Variants in ITIH5 observed in about 807,000 individuals in gnomAD.
The protein encoded by ITIH5 is inter-alpha-trypsin inhibitor heavy chain H5.
In ITIH5, 65 loss-of-function variants were observed where a neutral mutation model predicts 77.5. The observed-to-expected ratio is 0.84, with a 90% CI of 0.69 to 1.03. The LOEUF is 1.03. Among genes scored for constraint, ITIH5 ranks in the 50% least tolerant of loss-of-function variants. The probability of loss-of-function intolerance (pLI) is 0.00; values close to 1 mark genes in which losing one functional copy is unlikely to be tolerated. For missense variants in ITIH5, 1,208 were observed against 1,213.1 expected (o/e 1.00, Z 0.06); for synonymous variants, 525 against 494.3 (o/e 1.06, Z -0.82).
chr10:7,628,398 C>T (rs1447700360), intron 5 of ITIH5, among the ~76,000 whole-genome samples: 1 of 152,214 alleles, frequency 6.6e-6, no homozygotes, highest in African/African-American at 2.4e-5. Flanking sequence ...AGTCTGGCTT[C>T]TTTCACTTAG....
intron 5 of ITIH5, among the ~76,000 whole-genome samples, chr10:7,626,913 A>T (rs57186574): frequency 0.12 from 18,087 of 152,176 alleles, 1,119 homozygotes; most frequent in East Asian, 0.25. Flanking sequence ...TAGACCCAAG[A>T]TCTGGCAAAA....
Position 7,616,195 on chromosome 10 carries a change from A to G in ITIH5, c.823-97T>C. 3 of 738,376 alleles carry G rather than the reference A, an allele frequency of 4.1e-6. 1 individual carries two copies. The South Asian group carries it at 4.8e-5, about 12-fold the overall frequency. The allele number at this position is 738,376 out of a possible 1,614,324, so 45.7% of individuals were successfully genotyped here. ...CTATGGAATTTCTAAAAGTTAAAGC[A>G]TGACAAAGAGTTTAGGGTGAGATTC... On this transcript the variant is annotated intron_variant, in intron 6 of 13. Transcript: ENST00000397146.
intron 7 of ITIH5, among the ~76,000 whole-genome samples, chr10:7,611,775 C>A (rs965485099): frequency 6.6e-6 from 1 of 151,964 alleles, no homozygotes; most frequent in Non-Finnish European, 1.5e-5. Flanking sequence ...TTGTTTACAA[C>A]AAAAATTTAA....
chr10:7,663,857 T>C (rs987896061), intron 1 of ITIH5, among the ~76,000 whole-genome samples: 4 of 152,212 alleles, frequency 2.6e-5, no homozygotes, highest in Non-Finnish European at 4.4e-5. Flanking sequence ...TTGCCTCTTA[T>C]TATTTTCACA....
intron 9 of ITIH5, among the ~76,000 whole-genome samples, chr10:7,579,140 G>A (rs920528762): frequency 1.3e-5 from 2 of 152,232 alleles, no homozygotes; most frequent in African/African-American, 4.8e-5. Context: ...GCTATACATA[G>A]TGTTTTTATA....
chr10:7,569,671 A>G lies in ITIH5; in HGVS notation c.2146T>C (p.Ser716Pro). 1 of 1,598,658 alleles carries G rather than the reference A, an allele frequency of 6.3e-7. No individual in the cohort carries two copies. Among genetic ancestry groups the G allele is most frequent in the East Asian group, 2.2e-5 (1 of 44,448 alleles). ...ILRLVSDHRD[S>P]GVTVNGELIG... ...TGCAGCGGAAGGTAGAACTTACCAGAGTCCCTGTGATCAGAGACCAGCCTG... is the reference window on the plus strand; with the variant it reads ...TGCAGCGGAAGGTAGAACTTACCAGGGTCCCTGTGATCAGAGACCAGCCTG... Residue 716 changes from serine (S) to proline (P), a missense_variant, in exon 12 of 14, where the codon TCT becomes CCT. Coordinates refer to ENST00000397146, the MANE Select transcript of ITIH5 (RefSeq NM_030569.7).
At chr10:7,569,572 G>A (rs906007738) in intron 12 of ITIH5, 96 bp downstream of exon 12, 4 of 712,428 alleles carry the variant, frequency 5.6e-6, no homozygotes, top group Non-Finnish European at 9.3e-6. Flanking sequence ...TCTGTAAGGT[G>A]GCCCTTGGAT....
At chr10:7,619,577 TCA>T (rs1159285309) in intron 5 of ITIH5, 1 of 386,374 alleles carries the variant, frequency 2.6e-6, no homozygotes, top group Non-Finnish European at 5.3e-6. Flanking sequence ...TTTAATTGAC[TCA>T]CAGTTCCGCA....
At chr10:7,640,448 G>A (rs1042719270) in intron 4 of ITIH5, among the ~76,000 whole-genome samples, 1 of 148,172 alleles carries the variant, frequency 6.7e-6, no homozygotes, top group Non-Finnish European at 1.5e-5. Context: ...CTGCACTCCA[G>A]CCTGGGCAAA....
intron 7 of ITIH5, among the ~76,000 whole-genome samples, chr10:7,601,806 A>C (rs1833021332): frequency 1.3e-5 from 2 of 152,148 alleles, no homozygotes; most frequent in African/African-American, 4.8e-5. Flanking sequence ...GATCACATGC[A>C]TATCACCCAC....
At chr10:7,591,518 G>A (rs1401524508) in intron 7 of ITIH5, among the ~76,000 whole-genome samples, 3 of 152,082 alleles carry the variant, frequency 2.0e-5, no homozygotes, top group African/African-American at 2.4e-5. Context: ...TGGCTGACAC[G>A]TACCCCAGCT....
At chr10:7,577,280 G>T (rs10905188) in intron 9 of ITIH5, among the ~76,000 whole-genome samples, 1 of 152,018 alleles carries the variant, frequency 6.6e-6, no homozygotes, top group Admixed American at 6.6e-5. Context: ...GCTTATAGTA[G>T]ATTAAAATCT....
At position 7,606,419 on chromosome 10, in the gene ITIH5, G is replaced by A. The variant is rs189841122; in HGVS notation, c.939+9563C>T. Reference sequence around the variant, plus strand: ...CAAATATACCATGGAATACTATGCAGCTATAAAAAAGTATAAGATCATGTC... The same window carrying A: ...CAAATATACCATGGAATACTATGCAACTATAAAAAAGTATAAGATCATGTC... On this transcript the variant is annotated intron_variant, in intron 7 of 13. Coordinates refer to ENST00000397146, the MANE Select transcript of ITIH5 (RefSeq NM_030569.7). 2.0e-5 allele frequency among the ~76,000 whole-genome samples: 3 copies of A among 152,324 alleles called. No homozygotes were observed. In the East Asian group the frequency reaches 5.8e-4, roughly 29 times the overall value.
intron 4 of ITIH5, among the ~76,000 whole-genome samples, chr10:7,640,074 A>G (rs887733336): frequency 2.7e-5 from 4 of 148,446 alleles, no homozygotes; most frequent in Non-Finnish European, 5.9e-5. Context: ...GAGTCAACAG[A>G]TAATGTCTTA....
At chr10:7,622,694 G>A (rs11255248) in intron 5 of ITIH5, among the ~76,000 whole-genome samples, 20,496 of 151,768 alleles carry the variant, frequency 0.14, 1,534 homozygotes, top group East Asian at 0.26. Flanking sequence ...ATGTCAATAT[G>A]CTTATATAAA....
rs773639413 is a variant in ITIH5 at position 7,580,030 on chromosome 10, G to C, written c.1143C>G (p.Ile381Met). 2.5e-6 allele frequency: 4 copies of C among 1,611,528 alleles called. No homozygotes were observed. Among genetic ancestry groups the C allele is most frequent in the African/African-American group, 2.7e-5 (2 of 74,888 alleles). The change falls in exon 9 of 14, where the codon ATC becomes ATG. Residue 381 changes from isoleucine to methionine, a missense_variant. Coordinates refer to ENST00000397146, the MANE Select transcript of ITIH5 (RefSeq NM_030569.7). The stretch of plus-strand genomic sequence containing the variant: ...GGGCCACGTACTTGTTGAGGAGCCT[G>C]ATGGCCCTCTGCAGGGCCCCGTTGA... ...TDINGALQRA[I>M]RLLNKYVAHS...
chr10:7,622,034 G>C (rs1389127819), intron 5 of ITIH5: 2 of 152,188 alleles, frequency 1.3e-5, no homozygotes, highest in Non-Finnish European at 2.9e-5. Flanking sequence ...ATTTGAGGGA[G>C]GCCAAGTCTT....
At chr10:7,629,521 G>GTGTTGTAGTGTGTGTCCA (rs750669506) in intron 5 of ITIH5, among the ~76,000 whole-genome samples, 2 of 87,240 alleles carry the variant, frequency 2.3e-5, no homozygotes, top group African/African-American at 4.9e-5. Context: ...GCGTGTGTCC[G>GTGTTGTAGTGTGTGTCCA]TGTTGCAGCG....
At chr10:7,637,203 C>A in intron 5 of ITIH5, 25 bp downstream of exon 5, 1 of 1,596,606 alleles carries the variant, frequency 6.3e-7, no homozygotes, top group Non-Finnish European at 8.5e-7. Flanking sequence ...CACAGATCTG[C>A]ACGAACCCAG....
Sources: gnomAD v4.1 joint callset for allele counts (sites outside exome capture counted in the v4.1 genomes callset) on GRCh38, gnomAD v4.1.1 for gene constraint, MANE v1.5 for transcripts, NCBI Gene and HGNC (gene_info 2026-07-23, HGNC 2026-07-21) for gene names.